The following ANO2 variants were observed in gnomAD, a reference collection of about 807,000 sequenced individuals.
ANO2 encodes anoctamin-2.
A neutral mutation model predicts 124.2 loss-of-function variants in ANO2; 101 were observed. The observed-to-expected ratio is 0.81, with a 90% CI of 0.69 to 0.96. The LOEUF is 0.96. ANO2 is among the 40% of genes least tolerant of loss of function. The probability of loss-of-function intolerance (pLI) is 0.00; values close to 1 mark genes in which losing one functional copy is unlikely to be tolerated. For missense variants in ANO2, 1,293 were observed against 1,274.5 expected (o/e 1.01, Z -0.22); for synonymous variants, 486 against 482.5 (o/e 1.01, Z -0.09).
intron 10 of ANO2, among the ~76,000 whole-genome samples, chr12:5,757,338 C>T (rs770653303): frequency 5.9e-5 from 9 of 151,970 alleles, no homozygotes; most frequent in Non-Finnish European, 4.4e-5. Context: ...GAAAATTTAC[C>T]AACTCATATA....
chr12:5,846,542 C>T (rs942072352), intron 4 of ANO2, among the ~76,000 whole-genome samples: 6 of 152,306 alleles, frequency 3.9e-5, no homozygotes, highest in South Asian at 2.1e-4. Flanking sequence ...GCTGCCATAA[C>T]AAATTATCAC....
intron 20 of ANO2, among the ~76,000 whole-genome samples, chr12:5,585,437 A>T (rs912266573): frequency 4.6e-5 from 7 of 152,188 alleles, no homozygotes; most frequent in Non-Finnish European, 2.9e-5. Context: ...GCTGGGACAG[A>T]TCAGTAAGGC....
chr12:5,661,698 G>C (rs1264039761), intron 14 of ANO2, among the ~76,000 whole-genome samples: 3 of 152,154 alleles, frequency 2.0e-5, no homozygotes, highest in Non-Finnish European at 4.4e-5. Flanking sequence ...GAATCACATG[G>C]GGGGCTTTTA....
At chr12:5,569,469 A>T (rs1435605463) in intron 23 of ANO2, among the ~76,000 whole-genome samples, 1 of 152,214 alleles carries the variant, frequency 6.6e-6, no homozygotes, top group East Asian at 1.9e-4. Context: ...CTTAAATAAC[A>T]TAAATTTTGA....
At chr12:5,659,212 T>C (rs1200931616) in intron 14 of ANO2, among the ~76,000 whole-genome samples, 1 of 152,176 alleles carries the variant, frequency 6.6e-6, no homozygotes, top group Non-Finnish European at 1.5e-5. Context: ...TCTTTCTCTC[T>C]TTAGGTCTCC....
At chr12:5,786,018 T>G in intron 10 of ANO2, among the ~76,000 whole-genome samples, 1 of 112,708 alleles carries the variant, frequency 8.9e-6, no homozygotes, top group South Asian at 3.0e-4. Flanking sequence ...GAGATGGGGG[T>G]GTTCAGGAAG....
chr12:5,924,328 A>G (rs576514988), intron 1 of ANO2, among the ~76,000 whole-genome samples: 1 of 152,344 alleles, frequency 6.6e-6, no homozygotes, highest in East Asian at 1.9e-4. Flanking sequence ...CACAACTGTG[A>G]CCAGCAGAGG....
chr12:5,687,262 A>T (rs1948746064), intron 14 of ANO2, among the ~76,000 whole-genome samples: 1 of 152,008 alleles, frequency 6.6e-6, no homozygotes, highest in South Asian at 2.1e-4. Flanking sequence ...CAGCCCCACA[A>T]CTCCATAAGG....
At chr12:5,843,248 T>C (rs571100907) in intron 4 of ANO2, among the ~76,000 whole-genome samples, 4 of 152,314 alleles carry the variant, frequency 2.6e-5, no homozygotes, top group South Asian at 2.1e-4. Context: ...CTGCAAGTTC[T>C]CCATCCTTAA....
At chr12:5,699,144 A>G (rs1949305102) in intron 14 of ANO2, among the ~76,000 whole-genome samples, 1 of 152,244 alleles carries the variant, frequency 6.6e-6, no homozygotes, top group South Asian at 2.1e-4. Context: ...TAATTGTCAG[A>G]TTCACCAAAG....
chr12:5,647,581 C>T, intron 15 of ANO2, 146 bp downstream of exon 15: 2 of 714,260 alleles, frequency 2.8e-6, no homozygotes, highest in South Asian at 1.8e-5. Context: ...CACTATCAGA[C>T]AAGATCCTGC....
intron 10 of ANO2, among the ~76,000 whole-genome samples, chr12:5,767,257 G>C (rs1271020903): frequency 6.6e-6 from 1 of 152,220 alleles, no homozygotes; most frequent in African/African-American, 2.4e-5. Flanking sequence ...AGGGATGCCA[G>C]AGAGAAAGTT....
intron 14 of ANO2, among the ~76,000 whole-genome samples, chr12:5,651,766 C>T (rs756358171): frequency 2.0e-5 from 3 of 152,186 alleles, no homozygotes; most frequent in Admixed American, 1.3e-4. Context: ...CCCCAATCCC[C>T]AGAACCTGAC....
rs373654644 is a variant in ANO2 at position 5,732,551 on chromosome 12, A to G, written c.1514T>C (p.Leu505Ser). ...KESNQSAVQK[L>S]ETNTTECGDE... ...GCCACACTCCGTCGTGTTTGTTTCC[A>G]ATTTCTGGACAGCAGACTGGTTGCT... is the stretch of plus-strand genomic sequence containing the variant. The change falls in exon 14 of 25, where the codon TTG (leucine) becomes TCG (serine). Residue 505 changes from leucine (L) to serine (S), a missense_variant. Coordinates refer to ENST00000682330, the MANE Select transcript of ANO2 (RefSeq NM_001364791.2). The G allele has an allele frequency of 1.6e-4, 260 of 1,613,750 alleles. No individual in the cohort carries two copies. The highest frequency in any genetic ancestry group is 1.3e-4 in the Non-Finnish European group (152 of 1,179,854).
chr12:5,769,002 G>A lies in ANO2; in HGVS notation c.1056-18032C>T, dbSNP rs1006051444. On this transcript the variant is annotated intron_variant, in intron 10 of 24. Coordinates refer to ENST00000682330, the MANE Select transcript of ANO2 (RefSeq NM_001364791.2). This position sits in a 1 kb window ranked among gnomAD's most constrained non-coding sequence, Gnocchi z 4.0. ...GTACAGTAACAAGAGGGCTGGGCTC[G>A]GGATGGCAGCGCTGTGGAAGCTGGG... is the stretch of plus-strand genomic sequence containing the variant. Among the ~76,000 whole-genome samples, 3 of 152,262 alleles carry A rather than the reference G, an allele frequency of 2.0e-5. No individual in the cohort carries two copies. The highest frequency in any genetic ancestry group is 2.9e-5 in the Non-Finnish European group (2 of 68,020).
chr12:5,588,158 G>T (rs1434220550), intron 20 of ANO2, among the ~76,000 whole-genome samples: 2 of 151,912 alleles, frequency 1.3e-5, no homozygotes, highest in African/African-American at 4.8e-5. Flanking sequence ...TCCAAGACAT[G>T]GGCCCTTCTG....
chr12:5,645,415 GTGTGTGTGTGAA>G (rs138763589), intron 15 of ANO2, among the ~76,000 whole-genome samples: 1,954 of 151,492 alleles, frequency 0.013, 36 homozygotes, highest in African/African-American at 0.043. Flanking sequence ...ATCCATGGTC[GTGTGTGTGTGAA>G]TGTGTGTGTG....
intron 1 of ANO2, among the ~76,000 whole-genome samples, chr12:5,927,379 A>C (rs1942130146): frequency 6.6e-6 from 1 of 152,230 alleles, no homozygotes; most frequent in African/African-American, 2.4e-5. Context: ...AGGCAGATGA[A>C]GAAGGGGTAG....
At chr12:5,945,373 G>A, upstream of ANO2, 1 of 759,970 alleles carries the variant, frequency 1.3e-6, no homozygotes, top group Non-Finnish European at 1.6e-6. Context: ...GGCCGCCGGC[G>A]CCGCGCAGCC....
Sources: gnomAD v4.1 joint callset for allele counts (sites outside exome capture counted in the v4.1 genomes callset) on GRCh38, gnomAD v4.1.1 for gene constraint, Gnocchi (gnomAD v3.1) non-coding constraint, MANE v1.5 for transcripts, NCBI Gene and HGNC (gene_info 2026-07-23, HGNC 2026-07-21) for gene names.